PDRG1: variants seen among roughly 807,000 people sequenced by gnomAD.
The protein encoded by PDRG1 is p53 and DNA damage regulated 1, also known as p53 and DNA damage-regulated protein 1.
In PDRG1, 14 loss-of-function variants were observed where a neutral mutation model predicts 18.4. The observed-to-expected ratio is 0.76, with a 90% confidence interval of 0.50 to 1.19. PDRG1 has a LOEUF of 1.19. Among genes scored for constraint, PDRG1 ranks in the 50% most tolerant of loss-of-function variants. The pLI, the probability that PDRG1 is intolerant of heterozygous loss-of-function variation, is 0.00. For missense variants in PDRG1, 177 were observed against 160.1 expected (o/e 1.11, Z -0.57); for synonymous variants, 65 against 60.9 (o/e 1.07, Z -0.31).
chr20:31,947,480 C>T (rs2064326216), intron 3 of PDRG1, among the ~76,000 whole-genome samples: 1 of 152,236 alleles, frequency 6.6e-6, no homozygotes, highest in African/African-American at 2.4e-5. Flanking sequence ...CCTCTGAAAG[C>T]TTAGCCTCCA....
chr20:31,951,824 T>C lies in PDRG1; in HGVS notation c.87+51A>G, dbSNP rs990922430. On this transcript the variant is annotated intron_variant, in intron 1 of 4. Coordinates refer to ENST00000202017, the MANE Select transcript of PDRG1 (RefSeq NM_030815.3). ...GTCAACTCACTGCGACCCCGCGCGC[T>C]TTCCCACGGCGCCGGCCGCCAGGCC... 2.0e-6 allele frequency: 3 copies of C among 1,518,890 alleles called. No homozygotes were observed. In the African/African-American group the frequency reaches 4.3e-5, roughly 22 times the overall value. The allele number at this position is 1,518,890 out of a possible 1,614,324, so 94.1% of individuals were successfully genotyped here. A position where few individuals can be genotyped will look rare whatever the true frequency, so the allele number is the denominator to read the frequency against.
In PDRG1 at chr20:31,948,797, G is replaced by A. The variant is rs2064334317; in HGVS notation, c.238+11C>T. The A allele has an allele frequency of 6.2e-7, 1 of 1,612,160 alleles. No homozygotes were observed. The highest frequency in any genetic ancestry group is 2.2e-5 in the East Asian group (1 of 44,752). On this transcript the variant is annotated intron_variant, in intron 3 of 4. Transcript: ENST00000202017. ...GCAGCACACCCCTGACCCATCCCCA[G>A]GAGGCCTTACCTTTTTCAATCATTT... is the stretch of plus-strand genomic sequence containing the variant.
At position 31,945,839 on chromosome 20, in the gene PDRG1, G is replaced by C; in HGVS notation, c.370C>G (p.Leu124Val). 6.2e-7 allele frequency: 1 copy of C among 1,613,986 alleles called. No individual in the cohort carries two copies. The change falls in exon 5 of 5, where the codon CTT becomes GTT. Residue 124 changes from leucine to valine, a missense_variant. Transcript: ENST00000202017. ...FNLNPLNQDE[L>V]KALKVILKG is the part of the protein sequence containing the mutation. ...TTCAAGATGACCTTGAGAGCTTTAA[G>C]CTCATCCTGGTTGAGGGGGTTCAAG...
At chr20:31,945,977 C>A in intron 4 of PDRG1, 88 bp from the exon 5 acceptor site, 1 of 1,082,464 alleles carries the variant, frequency 9.2e-7, no homozygotes. Context: ...TGCACTAATG[C>A]TGCCAAACTC....
intron 3 of PDRG1, 56 bp downstream of exon 3, chr20:31,948,752 G>C: frequency 2.0e-6 from 3 of 1,520,444 alleles, no homozygotes; most frequent in East Asian, 4.6e-5. Context: ...TCTGGGTTAA[G>C]ACCAAAGCTG....
chr20:31,946,552 A>G lies in PDRG1; in HGVS notation c.263T>C (p.Ile88Thr). The change falls in exon 4 of 5, where the codon ATA (isoleucine) becomes ACA (threonine). Residue 88 changes from isoleucine (I) to threonine (T), a missense_variant. Coordinates refer to ENST00000202017, the MANE Select transcript of PDRG1 (RefSeq NM_030815.3). ...EKDQDHLDKE[I>T]EKLRKQLKVK... ...TTTAAGTTGCTTCCGCAGTTTTTCT[A>G]TTTCTTTATCCAGATGATCTTGATC... 6.2e-7 allele frequency: 1 copy of G among 1,613,212 alleles called. No individual in the cohort carries two copies.
rs763636608 is a variant in PDRG1 at position 31,951,908 on chromosome 20, C to G, written c.54G>C (p.Glu18Asp). Residue 18 changes from glutamate (E) to aspartate (D), a missense_variant, in exon 1 of 5, where the codon GAG becomes GAC. Physicochemically the swap from Glu to Asp is conservative, Grantham distance 45. Transcript: ENST00000202017. ...RVLRYLVEVEELAEEVLADKR... is the reference protein window; with the variant it reads ...RVLRYLVEVEDLAEEVLADKR... Reference sequence around the variant, plus strand: ...TGTCCGCCAGCACCTCCTCGGCGAGCTCCTCCACTTCTACAAGGTACCGCA... The same window carrying G: ...TGTCCGCCAGCACCTCCTCGGCGAGGTCCTCCACTTCTACAAGGTACCGCA... 3.1e-6 allele frequency: 5 copies of G among 1,593,196 alleles called. No homozygotes were observed. The East Asian group carries it at 1.2e-4, about 37-fold the overall frequency.
At chr20:31,946,374 C>T (rs902856496) in intron 4 of PDRG1, 122 bp downstream of exon 4, 3 of 888,036 alleles carry the variant, frequency 3.4e-6, no homozygotes, top group Non-Finnish European at 5.6e-6. Context: ...ACCTCCAGGG[C>T]CACTCACAGG....
rs2123674304 is a variant in PDRG1 at position 31,944,959 on chromosome 20, A to C, written c.*848T>G. The C allele has an allele frequency of 6.6e-6, 1 of 152,346 alleles. No homozygotes were observed. Among genetic ancestry groups the C allele is most frequent in the African/African-American group, 2.4e-5 (1 of 41,576 alleles). The allele number at this position is 152,346 out of a possible 1,614,324, so 9.4% of individuals were successfully genotyped here. On this transcript the variant is annotated 3_prime_UTR_variant, in exon 5 of 5. Coordinates refer to ENST00000202017, the MANE Select transcript of PDRG1 (RefSeq NM_030815.3). The stretch of plus-strand genomic sequence containing the variant: ...AGGCAAATAAAGACTAGTTGCTGCT[A>C]TTCATTCATTCAGCTAACATTTATT...
Position 31,946,591 on chromosome 20 carries a change from G to T in PDRG1, c.239-15C>A, listed in dbSNP as rs201465058. 11 of 1,594,220 alleles carry T rather than the reference G, an allele frequency of 6.9e-6. No individual in the cohort carries two copies. The African/African-American group carries it at 1.3e-4, about 19-fold the overall frequency. On this transcript the variant is annotated splice_polypyrimidine_tract_variant and intron_variant, in intron 3 of 4. Transcript: ENST00000202017. ...ATGATCTTGATCTGAAAAAATGAGG[G>T]GGGCAAGCAGAGGATAAGATTGTAC... is the stretch of plus-strand genomic sequence containing the variant.
At position 31,945,028 on chromosome 20, in the gene PDRG1, C is replaced by T. The variant is rs1344569750; in HGVS notation, c.*779G>A. 1.3e-5 allele frequency: 2 copies of T among 152,234 alleles called. No individual in the cohort carries two copies. The highest frequency in any genetic ancestry group is 4.8e-5 in the African/African-American group (2 of 41,452). 9.4% of individuals were successfully genotyped at this position (152,234 alleles called of 1,614,324 possible). ...TAAGAGTTTTGACTTCACGGCAGTT[C>T]ATACTGGGACCTCAGACCACTGAAG... On this transcript the variant is annotated 3_prime_UTR_variant, in exon 5 of 5. Transcript: ENST00000202017.
Position 31,946,412 on chromosome 20 carries a change from G to A in PDRG1, c.319+84C>T. ...GCCCCGGACACTGCCCATCTCTGAG[G>A]GTCGGACTTCCCATCCCTGCCCTTC... On this transcript the variant is annotated intron_variant, in intron 4 of 4. Transcript: ENST00000202017. 17 of 1,295,330 alleles carry A rather than the reference G, an allele frequency of 1.3e-5. No homozygotes were observed. The South Asian group carries it at 2.0e-4, about 15-fold the overall frequency. The allele number at this position is 1,295,330 out of a possible 1,614,324, so 80.2% of individuals were successfully genotyped here. A position where few individuals can be genotyped will look rare whatever the true frequency, so the allele number is the denominator to read the frequency against.
rs769765584 is a variant in PDRG1, at chr20:31,952,000, C to G, written c.-39G>C. On this transcript the variant is annotated 5_prime_UTR_variant, in exon 1 of 5. Coordinates refer to ENST00000202017, the MANE Select transcript of PDRG1 (RefSeq NM_030815.3). ...TCCGCTTGCGGCTCTCGCGCGACCC[C>G]GGGATCTCCGCTTCGACTCCCGCTG... 4.0e-6 allele frequency: 6 copies of G among 1,501,300 alleles called. No individual in the cohort carries two copies. Among genetic ancestry groups the G allele is most frequent in the Non-Finnish European group, 8.9e-7 (1 of 1,128,420 alleles). The allele number at this position is 1,501,300 out of a possible 1,614,324, so 93.0% of individuals were successfully genotyped here.
chr20:31,950,163 TCCC>T, intron 2 of PDRG1, 146 bp downstream of exon 2: 1 of 654,780 alleles, frequency 1.5e-6, no homozygotes, highest in South Asian at 2.0e-5. Context: ...CAAAATTTGC[TCCC>T]CCATCTCCCC....
At chr20:31,948,290 G>A (rs1279724500) in intron 3 of PDRG1, among the ~76,000 whole-genome samples, 1 of 152,222 alleles carries the variant, frequency 6.6e-6, no homozygotes, top group Non-Finnish European at 1.5e-5. Flanking sequence ...TCCCTGAGGA[G>A]ATGGCCTTAC....
chr20:31,946,460 TC>T (rs757707125), intron 4 of PDRG1, 35 bp downstream of exon 4: 1 of 1,535,168 alleles, frequency 6.5e-7, no homozygotes, highest in East Asian at 2.2e-5. Flanking sequence ...GATGATTCCC[TC>T]CCCTTCTTAT....
In PDRG1 at chr20:31,945,954, A is replaced by G. The variant is rs1199749510; in HGVS notation, c.320-65T>C. The G allele has an allele frequency of 8.6e-6, 12 of 1,391,344 alleles. No individual in the cohort carries two copies. The African/African-American group carries it at 1.7e-4, about 20-fold the overall frequency. 86.2% of individuals were successfully genotyped at this position (1,391,344 alleles called of 1,614,324 possible). ...GCTGGCTCTGGAGCCAGGCCCAGGA[A>G]AGGGGCTGACGCTGCACTAATGCTG... On this transcript the variant is annotated intron_variant, in intron 4 of 4. Coordinates refer to ENST00000202017, the MANE Select transcript of PDRG1 (RefSeq NM_030815.3).
chr20:31,944,889 T>C lies in PDRG1; in HGVS notation c.*918A>G, dbSNP rs907823301. On this transcript the variant is annotated 3_prime_UTR_variant, in exon 5 of 5. Transcript: ENST00000202017. ...TCAAGGCAAGAACCATGTTCATAGG[T>C]TGTATTCTAAATGGAGTGGCGTGCC... is the stretch of plus-strand genomic sequence containing the variant. 1.3e-5 allele frequency: 2 copies of C among 152,202 alleles called. No homozygotes were observed. Among genetic ancestry groups the C allele is most frequent in the African/African-American group, 2.4e-5 (1 of 41,450 alleles). 9.4% of individuals were successfully genotyped at this position (152,202 alleles called of 1,614,324 possible).
intron 2 of PDRG1, among the ~76,000 whole-genome samples, chr20:31,949,910 A>G (rs2064341574): frequency 1.3e-5 from 2 of 152,108 alleles, no homozygotes; most frequent in Non-Finnish European, 2.9e-5. Flanking sequence ...AAAGTGTCCC[A>G]TTCTTCTGGA....
Sources: gnomAD v4.1 joint callset for allele counts (sites outside exome capture counted in the v4.1 genomes callset) on GRCh38, gnomAD v4.1.1 for gene constraint, MANE v1.5 for transcripts, NCBI Gene and HGNC (gene_info 2026-07-23, HGNC 2026-07-21) for gene names.